PCDHGA2: variants seen among roughly 807,000 people sequenced by gnomAD.
PCDHGA2 encodes protocadherin gamma subfamily A, 2.
PCDHGA2 carries 40 observed loss-of-function variants against 59.2 expected under a neutral mutation model. The ratio of observed to expected loss-of-function variants is 0.68; its 90% confidence interval spans 0.52 to 0.88. The LOEUF (loss-of-function observed/expected upper bound fraction) is 0.88, where lower values mean the gene tolerates loss of function less well. PCDHGA2 is among the 40% of genes least tolerant of loss of function. The pLI is 0.00. For synonymous variants in PCDHGA2, 560 were observed against 526.0 expected (o/e 1.06, Z -0.89); for missense variants, 1,226 against 1,204.0 (o/e 1.02, Z -0.27).
At chr5:141,503,916 C>T (rs1372491893) in intron 2 of PCDHGA2, among the ~76,000 whole-genome samples, 1 of 152,246 alleles carries the variant, frequency 6.6e-6, no homozygotes, top group African/African-American at 2.4e-5. Context: ...CAACGCAACA[C>T]ACACACAGAC....
intron 1 of PCDHGA2, among the ~76,000 whole-genome samples, chr5:141,439,662 G>A (rs2098125902): frequency 6.6e-6 from 1 of 152,150 alleles, no homozygotes; most frequent in South Asian, 2.1e-4. Flanking sequence ...TAATTTCATG[G>A]AATGCAAATC....
At chr5:141,492,449 T>C (rs1045043841) in intron 1 of PCDHGA2, among the ~76,000 whole-genome samples, 50 of 152,314 alleles carry the variant, frequency 3.3e-4, no homozygotes, top group African/African-American at 1.2e-3. Flanking sequence ...TAGCTGATTG[T>C]GCGCGCCTGA....
At chr5:141,408,819 G>A in intron 1 of PCDHGA2, 1 of 1,613,520 alleles carries the variant, frequency 6.2e-7, no homozygotes, top group Non-Finnish European at 8.5e-7. Context: ...GAAGAACAGA[G>A]ATCTCATAGC....
rs1340692426 is a variant in PCDHGA2 at position 141,485,025 on chromosome 5, A to C, written c.2425-9782A>C. ...CAAATCTACCCCGCCACCAGCAAAAACGGCGCGTAACCCTTGCGGCGCCGG... is the reference window on the plus strand; with the variant it reads ...CAAATCTACCCCGCCACCAGCAAAACCGGCGCGTAACCCTTGCGGCGCCGG... On this transcript the variant is annotated intron_variant, in intron 1 of 3. Transcript: ENST00000394576. This position sits in a 1 kb window ranked among gnomAD's most constrained non-coding sequence, Gnocchi z 5.7. 2 of 657,796 alleles carry C rather than the reference A, an allele frequency of 3.0e-6. No homozygotes were observed. The highest frequency in any genetic ancestry group is 5.4e-6 in the Non-Finnish European group (2 of 369,210). The allele number at this position is 657,796 out of a possible 1,614,324, so 40.7% of individuals were successfully genotyped here.
chr5:141,368,869 C>A (rs1351748629), intron 1 of PCDHGA2, among the ~76,000 whole-genome samples: 2 of 152,124 alleles, frequency 1.3e-5, no homozygotes, highest in Non-Finnish European at 2.9e-5. Context: ...TGTTTTGGAG[C>A]AAAGTCTTGA....
rs933536886 is a variant in PCDHGA2 at position 141,340,925 on chromosome 5, C to G, written c.1954C>G (p.Pro652Ala). The change falls in exon 1 of 4, where the codon CCC (proline) becomes GCC (alanine). Residue 652 changes from proline (P) to alanine (A), a missense_variant. Transcript: ENST00000394576. ...LVVAIQDHGQ[P>A]PLSATVTLTV... ...GGTGGCCATCCAGGACCACGGCCAG[C>G]CCCCTCTCTCCGCCACTGTCACGCT... The G allele has an allele frequency of 3.1e-6, 5 of 1,613,802 alleles. No homozygotes were observed. The highest frequency in any genetic ancestry group is 4.2e-6 in the Non-Finnish European group (5 of 1,179,936).
intron 1 of PCDHGA2, chr5:141,389,469 A>G: frequency 6.2e-7 from 1 of 1,613,246 alleles, no homozygotes; most frequent in Non-Finnish European, 8.5e-7. Flanking sequence ...CTTCGAACTC[A>G]CACTGCAGGC....
At chr5:141,361,700 A>G (rs1200553765) in intron 1 of PCDHGA2, 2 of 1,613,456 alleles carry the variant, frequency 1.2e-6, no homozygotes, top group Non-Finnish European at 1.7e-6. Context: ...GCCTTCGATC[A>G]TGAGCAGCTG....
chr5:141,352,903 G>C (rs1759139944), intron 1 of PCDHGA2, among the ~76,000 whole-genome samples: 1 of 152,138 alleles, frequency 6.6e-6, no homozygotes, highest in South Asian at 2.1e-4. Flanking sequence ...CAGGAGGATC[G>C]CTTGAGCCCG....
At chr5:141,453,451 T>C (rs1052905667) in intron 1 of PCDHGA2, among the ~76,000 whole-genome samples, 1 of 152,096 alleles carries the variant, frequency 6.6e-6, no homozygotes, top group Non-Finnish European at 1.5e-5. Flanking sequence ...TTTTTGAATA[T>C]GTAAAACATT....
At chr5:141,459,693 C>A (rs1014443574) in intron 1 of PCDHGA2, among the ~76,000 whole-genome samples, 1 of 152,210 alleles carries the variant, frequency 6.6e-6, no homozygotes, top group African/African-American at 2.4e-5. Flanking sequence ...AAGCGTTCCG[C>A]TTGCTACATT....
rs1032345173 is a variant in PCDHGA2 at position 141,468,852 on chromosome 5, C to T, written c.2425-25955C>T. Among the ~76,000 whole-genome samples the T allele has an allele frequency of 7.2e-5, 11 of 151,868 alleles. No individual in the cohort carries two copies. In the East Asian group the frequency reaches 9.7e-4, roughly 13 times the overall value. On this transcript the variant is annotated intron_variant, in intron 1 of 3. Transcript: ENST00000394576. ...CTGCACTCCAGCCTGGGCAACAGAG[C>T]GAGACTCCATCTCAAAAATAATAAT... is the stretch of plus-strand genomic sequence containing the variant.
chr5:141,371,686 C>T (rs377384867), intron 1 of PCDHGA2: 11 of 1,614,026 alleles, frequency 6.8e-6, no homozygotes, highest in Non-Finnish European at 9.3e-6. Flanking sequence ...GGCAATCCAC[C>T]GCTCTCCTCC....
intron 1 of PCDHGA2, chr5:141,393,248 C>A: frequency 4.3e-6 from 7 of 1,613,798 alleles, no homozygotes; most frequent in Non-Finnish European, 5.9e-6. Flanking sequence ...TTAACGAAAT[C>A]GCGGTTCCTG....
At chr5:141,367,423 G>T (rs1765125811) in intron 1 of PCDHGA2, 2 of 152,202 alleles carry the variant, frequency 1.3e-5, no homozygotes, top group Non-Finnish European at 2.9e-5. Flanking sequence ...TGTAGTCCCA[G>T]CTACTCGGAA....
intron 1 of PCDHGA2, chr5:141,408,050 G>A: frequency 1.6e-6 from 2 of 1,259,544 alleles, no homozygotes; most frequent in Middle Eastern, 2.8e-4. Flanking sequence ...CCCACACAGA[G>A]CCTCCCGGCT....
chr5:141,344,082 T>G (rs762082229), intron 1 of PCDHGA2: 2 of 1,611,254 alleles, frequency 1.2e-6, no homozygotes, highest in Admixed American at 1.7e-5. Flanking sequence ...GGCCCTGCTG[T>G]GCGCGCTCCT....
At chr5:141,466,376 C>A (rs1046432765) in intron 1 of PCDHGA2, among the ~76,000 whole-genome samples, 1 of 151,904 alleles carries the variant, frequency 6.6e-6, no homozygotes, top group Non-Finnish European at 1.5e-5. Flanking sequence ...GTTTTGGCAC[C>A]CATCTAATGG....
chr5:141,405,106 C>T, intron 1 of PCDHGA2: 1 of 1,613,964 alleles, frequency 6.2e-7, no homozygotes, highest in South Asian at 1.1e-5. Context: ...GGCTGAGGCA[C>T]TGGCACTCCT....
Sources: gnomAD v4.1 joint callset for allele counts (sites outside exome capture counted in the v4.1 genomes callset) on GRCh38, gnomAD v4.1.1 for gene constraint, Gnocchi (gnomAD v3.1) non-coding constraint, MANE v1.5 for transcripts, NCBI Gene and HGNC (gene_info 2026-07-23, HGNC 2026-07-21) for gene names.